PCIF1: variants seen among roughly 807,000 people sequenced by gnomAD.
PCIF1 encodes mRNA (2'-O-methyladenosine-N(6)-)-methyltransferase.
PCIF1 carries 12 observed loss-of-function variants against 86.9 expected under a neutral mutation model. The observed-to-expected ratio is 0.14, with a 90% CI of 0.09 to 0.22. PCIF1 has a LOEUF of 0.22. PCIF1 is among the 10% of genes least tolerant of loss of function. PCIF1 has a pLI of 1.00. For missense variants in PCIF1, 701 were observed against 951.1 expected (o/e 0.74, Z 3.46); for synonymous variants, 397 against 372.0 (o/e 1.07, Z -0.77).
intron 7 of PCIF1, among the ~76,000 whole-genome samples, chr20:45,942,859 C>T (rs763343648): frequency 2.8e-5 from 4 of 144,960 alleles, no homozygotes; most frequent in Non-Finnish European, 6.0e-5. Flanking sequence ...GCTGTCCTTC[C>T]ACCTTAGCCT....
Position 45,939,330 on chromosome 20 carries a change from C to T in PCIF1, c.240C>T (p.His80=), listed in dbSNP as rs771121595. ...SLWEMPVLGQ[H]DVISDPLGLN... ...GGGAGATGCCCGTGCTGGGGCAGCACGATGTGATTGTGAGTGCCAGCCTAG... is the reference window on the plus strand; with the variant it reads ...GGGAGATGCCCGTGCTGGGGCAGCATGATGTGATTGTGAGTGCCAGCCTAG... Residue 80 remains histidine, a synonymous_variant, in exon 4 of 17, where the codon CAC becomes CAT. Transcript: ENST00000372409. 9.9e-6 allele frequency: 16 copies of T among 1,613,346 alleles called. No homozygotes were observed. The highest frequency in any genetic ancestry group is 1.2e-5 in the Non-Finnish European group (14 of 1,179,928).
In PCIF1 at chr20:45,947,007, T is replaced by G. The variant is rs934619977; in HGVS notation, c.1614-66T>G. 6.6e-6 allele frequency: 9 copies of G among 1,370,740 alleles called. No homozygotes were observed. The allele number at this position is 1,370,740 out of a possible 1,614,324, so 84.9% of individuals were successfully genotyped here. A position where few individuals can be genotyped will look rare whatever the true frequency, so the allele number is the denominator to read the frequency against. On this transcript the variant is annotated intron_variant, in intron 14 of 16. Coordinates refer to ENST00000372409, the MANE Select transcript of PCIF1 (RefSeq NM_022104.4). This position sits in a 1 kb window ranked among gnomAD's most constrained non-coding sequence, Gnocchi z 5.4. ...AGTGTGGCTGCCTAGGGTTGGGGGG[T>G]GGCACCTGTTTCTGGTTGAGGGACT...
At chr20:45,945,231 G>A (rs1231900190) in intron 11 of PCIF1, among the ~76,000 whole-genome samples, 3 of 152,230 alleles carry the variant, frequency 2.0e-5, no homozygotes, top group Admixed American at 6.5e-5. Flanking sequence ...GCTGGGAGTC[G>A]TAGTTAGGTG....
Position 45,940,605 on chromosome 20 carries a change from A to C in PCIF1, c.380A>C (p.Lys127Thr). ...EEQPSGNGVK[K>T]PKIEIPVTPT... ...CAGCCAAGCGGCAATGGTGTGAAGA[A>C]GCCCAAGGTGAGTGTCTGTGGCCAG... Residue 127 changes from lysine to threonine, a missense_variant, in exon 5 of 17, where the codon AAG becomes ACG. Transcript: ENST00000372409. The C allele has an allele frequency of 3.1e-6, 5 of 1,611,934 alleles. No homozygotes were observed. Among genetic ancestry groups the C allele is most frequent in the Non-Finnish European group, 4.2e-6 (5 of 1,178,940 alleles).
chr20:45,941,047 C>T lies in PCIF1; in HGVS notation c.519-6C>T. On this transcript the variant is annotated splice_polypyrimidine_tract_variant and splice_region_variant and intron_variant, in intron 6 of 16. Transcript: ENST00000372409. ...ACATCCTCATCACTCCTCTCTGTGC[C>T]CCAAGGGTCTACTGGGACCTGGACA... 1 of 1,614,164 alleles carries T rather than the reference C, an allele frequency of 6.2e-7. No individual in the cohort carries two copies. The highest frequency in any genetic ancestry group is 8.5e-7 in the Non-Finnish European group (1 of 1,180,036).
rs1029612012 is a variant in PCIF1 at position 45,947,947 on chromosome 20, G to A, written c.*192G>A. On this transcript the variant is annotated 3_prime_UTR_variant, in exon 17 of 17. Transcript: ENST00000372409. The surrounding 1 kb of genome is among the most constrained non-coding windows in gnomAD (Gnocchi z 5.4). ...AAGTCCCATGTATATAGGTCCTGAT[G>A]CCTTCCCAACCCCGCCCCTCACCCT... 204 of 1,532,798 alleles carry A rather than the reference G, an allele frequency of 1.3e-4. No individual in the cohort carries two copies. The highest frequency in any genetic ancestry group is 1.7e-4 in the Non-Finnish European group (195 of 1,145,874). The allele number at this position is 1,532,798 out of a possible 1,614,324, so 94.9% of individuals were successfully genotyped here.
At position 45,945,748 on chromosome 20, in the gene PCIF1, G is replaced by A. The variant is rs1264989319; in HGVS notation, c.1206G>A (p.Val402=). 6.2e-7 allele frequency: 1 copy of A among 1,613,932 alleles called. No individual in the cohort carries two copies. Among genetic ancestry groups the A allele is most frequent in the South Asian group, 1.1e-5 (1 of 91,088 alleles). ...CCCCTGAGGTGGAGCCCCGCCTAGTGTACTGCTACCCAGTCCGGCTGGCTG... is the reference window on the plus strand; with the variant it reads ...CCCCTGAGGTGGAGCCCCGCCTAGTATACTGCTACCCAGTCCGGCTGGCTG... The part of the protein sequence containing the change: ...VEAPEVEPRL[V]YCYPVRLAVS... The change falls in exon 12 of 17, where the codon GTG becomes GTA. Residue 402 remains valine, a synonymous_variant. Transcript: ENST00000372409.
intron 1 of PCIF1, 96 bp downstream of exon 1, chr20:45,934,900 C>A: frequency 2.5e-6 from 1 of 397,214 alleles, no homozygotes; most frequent in South Asian, 1.3e-4. Context: ...GCTTTCTGCT[C>A]GGGACTGCCG....
intron 4 of PCIF1, among the ~76,000 whole-genome samples, chr20:45,940,267 G>A (rs1386038736): frequency 6.6e-6 from 1 of 152,164 alleles, no homozygotes; most frequent in Non-Finnish European, 1.5e-5. Context: ...CATTCTGAAG[G>A]TGAGAGAACT....
chr20:45,934,994 G>A (rs1453226131), intron 1 of PCIF1, among the ~76,000 whole-genome samples, 190 bp downstream of exon 1: 1 of 151,992 alleles, frequency 6.6e-6, no homozygotes, highest in Non-Finnish European at 1.5e-5. Flanking sequence ...AGGTGGGCCC[G>A]GAGAGCCCCA....
rs200314731 is a variant in PCIF1 at position 45,939,141 on chromosome 20, T to G, written c.124+18T>G. On this transcript the variant is annotated intron_variant, in intron 3 of 16. Transcript: ENST00000372409. Reference sequence around the variant, plus strand: ...CCTCCCAGGTACTGAGGGGGAGCAGTAGTGGGGTGGTGGGGTAGGAAGGGC... The same window carrying G: ...CCTCCCAGGTACTGAGGGGGAGCAGGAGTGGGGTGGTGGGGTAGGAAGGGC... The G allele has an allele frequency of 3.3e-4, 539 of 1,613,638 alleles. No individual in the cohort carries two copies. The highest frequency in any genetic ancestry group is 4.4e-4 in the Non-Finnish European group (525 of 1,179,904).
rs755894220 is a variant in PCIF1, at chr20:45,947,264, G to C, written c.1709G>C (p.Arg570Thr). 1 of 1,609,790 alleles carries C rather than the reference G, an allele frequency of 6.2e-7. No individual in the cohort carries two copies. Among genetic ancestry groups the C allele is most frequent in the East Asian group, 2.2e-5 (1 of 44,788 alleles). Reference protein sequence around the residue: ...LMDAMVSHFERLLESSPEPLS... With the variant: ...LMDAMVSHFETLLESSPEPLS... The stretch of plus-strand genomic sequence containing the variant: ...TCCACCCTGTGTCCCCTTCCACAGA[G>C]ACTGCTTGAGAGCTCACCGGAGCCC... The change falls in exon 16 of 17, where the codon AGA (arginine) becomes ACA (threonine). Residue 570 changes from arginine (R) to threonine (T), a missense_variant and splice_region_variant. Physicochemically the swap from Arg to Thr is moderately conservative, Grantham distance 71. Around this residue, in one of 7 missense-constraint regions of PCIF1, gnomAD observed 174 missense variants for 206.9 expected, o/e 0.84. Transcript: ENST00000372409. This position sits in a 1 kb window ranked among gnomAD's most constrained non-coding sequence, Gnocchi z 5.4.
Position 45,940,839 on chromosome 20 carries a change from T to C in PCIF1, c.418T>C (p.Ser140Pro). 6.2e-7 allele frequency: 1 copy of C among 1,614,024 alleles called. No homozygotes were observed. The highest frequency in any genetic ancestry group is 8.5e-7 in the Non-Finnish European group (1 of 1,179,956). Residue 140 changes from serine (S) to proline (P), a missense_variant, in exon 6 of 17, where the codon TCG becomes CCG. Transcript: ENST00000372409. The stretch of plus-strand genomic sequence containing the variant: ...AATCCCAGTGACACCCACAGGCCAG[T>C]CGGTGCCCAGCTCCCCCAGTATCCC... ...IEIPVTPTGQ[S>P]VPSSPSIPGT...
intron 2 of PCIF1, among the ~76,000 whole-genome samples, chr20:45,938,739 G>C (rs2083445611): frequency 6.6e-6 from 1 of 152,148 alleles, no homozygotes; most frequent in South Asian, 2.1e-4. Context: ...GAACCCAGTA[G>C]CAAGCCAGGC....
chr20:45,938,435 C>T (rs971106339), intron 2 of PCIF1, among the ~76,000 whole-genome samples: 14 of 152,170 alleles, frequency 9.2e-5, no homozygotes, highest in African/African-American at 2.7e-4. Flanking sequence ...TTGTAGGAAT[C>T]GCTTCTCAAG....
intron 12 of PCIF1, 63 bp downstream of exon 12, chr20:45,945,946 G>T: frequency 6.2e-7 from 1 of 1,613,126 alleles, no homozygotes; most frequent in Admixed American, 1.7e-5. Context: ...GATCTTTCCT[G>T]AGCAGAGTCC....
At chr20:45,937,701 C>G in intron 2 of PCIF1, 116 bp downstream of exon 2, 1 of 397,814 alleles carries the variant, frequency 2.5e-6, no homozygotes, top group Non-Finnish European at 4.4e-6. Context: ...GTACCTTGGT[C>G]AGTGGTTCTC....
chr20:45,938,942 G>T (rs550567225), intron 2 of PCIF1, 39 bp from the exon 3 acceptor site: 1 of 1,604,624 alleles, frequency 6.2e-7, no homozygotes, highest in Non-Finnish European at 8.5e-7. Context: ...TGGCGGGTGA[G>T]GGGGTGGAGC....
Position 45,947,283 on chromosome 20 carries a change from G to T in PCIF1, c.1728G>T (p.Pro576=). ...CACAGAGACTGCTTGAGAGCTCACC[G>T]GAGCCCCTGTCCTTCATCGTGTTCA... ...SHFERLLESS[P]EPLSFIVFIP... The change falls in exon 16 of 17, where the codon CCG becomes CCT. Residue 576 remains proline, a synonymous_variant. Coordinates refer to ENST00000372409, the MANE Select transcript of PCIF1 (RefSeq NM_022104.4). This position sits in a 1 kb window ranked among gnomAD's most constrained non-coding sequence, Gnocchi z 5.4. 6 of 1,613,052 alleles carry T rather than the reference G, an allele frequency of 3.7e-6. No homozygotes were observed. The highest frequency in any genetic ancestry group is 8.5e-7 in the Non-Finnish European group (1 of 1,179,232).
Sources: gnomAD v4.1 joint callset for allele counts (sites outside exome capture counted in the v4.1 genomes callset) on GRCh38, gnomAD v4.1.1 for gene constraint, gnomAD v4.1.1 regional missense constraint, Gnocchi (gnomAD v3.1) non-coding constraint, MANE v1.5 for transcripts, NCBI Gene and HGNC (gene_info 2026-07-23, HGNC 2026-07-21) for gene names.